Variants in KCNG1 observed in about 807,000 individuals in gnomAD.
The protein encoded by KCNG1 is potassium voltage-gated channel modifier subfamily G member 1.
In KCNG1, 17 loss-of-function variants were observed where a neutral mutation model predicts 32.4. The observed-to-expected ratio is 0.52, with a 90% CI of 0.36 to 0.79. KCNG1 has a LOEUF of 0.79. Among genes scored for constraint, KCNG1 ranks in the 30% least tolerant of loss-of-function variants. The probability of loss-of-function intolerance (pLI) is 0.00; values close to 1 mark genes in which losing one functional copy is unlikely to be tolerated. For missense variants in KCNG1, 441 were observed against 735.2 expected (o/e 0.60, Z 4.63); for synonymous variants, 358 against 339.9 (o/e 1.05, Z -0.59).
chr20:51,017,644 A>C (rs1163143111), intron 1 of KCNG1, among the ~76,000 whole-genome samples: 1 of 152,110 alleles, frequency 6.6e-6, no homozygotes, highest in Non-Finnish European at 1.5e-5. Flanking sequence ...GATTTCTGGG[A>C]CCCTCCCTTC....
At position 51,003,764 on chromosome 20, in the gene KCNG1, A is replaced by C; in HGVS notation, c.*275T>G. 1 of 303,046 alleles carries C rather than the reference A, an allele frequency of 3.3e-6. No individual in the cohort carries two copies. Among genetic ancestry groups the C allele is most frequent in the Non-Finnish European group, 5.5e-6 (1 of 181,384 alleles). 18.8% of individuals were successfully genotyped at this position (303,046 alleles called of 1,614,324 possible). A position where few individuals can be genotyped will look rare whatever the true frequency, so the allele number is the denominator to read the frequency against. Reference sequence around the variant, plus strand: ...GGTGAAAAGAACAAGGCATCTCCTTATTGAGGGAAACACACATAGGGGCTG... The same window carrying C: ...GGTGAAAAGAACAAGGCATCTCCTTCTTGAGGGAAACACACATAGGGGCTG... On this transcript the variant is annotated 3_prime_UTR_variant, in exon 3 of 3. Transcript: ENST00000371571.
intron 2 of KCNG1, chr20:51,006,852 C>A (rs1339580895): frequency 4.6e-5 from 7 of 152,250 alleles, no homozygotes; most frequent in Non-Finnish European, 7.3e-5. Context: ...CTAATCACTT[C>A]ATGCGAACTC....
intron 2 of KCNG1, 190 bp downstream of exon 2, chr20:51,009,375 C>G (rs550832218): frequency 2.8e-6 from 2 of 708,736 alleles, no homozygotes; most frequent in Non-Finnish European, 2.3e-6. Context: ...CAGGCACAGG[C>G]GTGGACCCCC....
In KCNG1 at chr20:51,004,524, C is replaced by T. The variant is rs748829863; in HGVS notation, c.1057G>A (p.Val353Met). The stretch of plus-strand genomic sequence containing the variant: ...AGGGAGTGGCGCGCCAGGCGCATCA[C>T]GTACAGGATGCGCAGCGCCCGCAGC... ...RVLRALRILY[V>M]MRLARHSLGL... The change falls in exon 3 of 3, where the codon GTG (valine) becomes ATG (methionine). Residue 353 changes from valine to methionine, a missense_variant. Physicochemically the swap from Val to Met is conservative, Grantham distance 21 (BLOSUM62 1). Around this residue, in one of 6 missense-constraint regions of KCNG1, gnomAD observed 169 missense variants for 297.7 expected, o/e 0.57. Transcript: ENST00000371571. This position sits in a 1 kb window ranked among gnomAD's most constrained non-coding sequence, Gnocchi z 4.3. The T allele has an allele frequency of 1.9e-6, 3 of 1,592,032 alleles. No individual in the cohort carries two copies. The highest frequency in any genetic ancestry group is 2.6e-6 in the Non-Finnish European group (3 of 1,170,218).
chr20:51,015,519 C>G lies in KCNG1; in HGVS notation c.-26-5155G>C, dbSNP rs1193320539. ...TTGACCTGGCTAGGCTGGCAGGGGC[C>G]GGAGGGCCAGGGTAGTAGAGCTATG... On this transcript the variant is annotated intron_variant, in intron 1 of 2. Coordinates refer to ENST00000371571, the MANE Select transcript of KCNG1 (RefSeq NM_002237.4). The surrounding 1 kb of genome is among the most constrained non-coding windows in gnomAD (Gnocchi z 4.4). 6.6e-6 allele frequency among the ~76,000 whole-genome samples: 1 copy of G among 152,090 alleles called. No individual in the cohort carries two copies. The highest frequency in any genetic ancestry group is 6.5e-5 in the Admixed American group (1 of 15,278).
At chr20:51,019,854 A>G (rs1260677227) in intron 1 of KCNG1, among the ~76,000 whole-genome samples, 1 of 152,140 alleles carries the variant, frequency 6.6e-6, no homozygotes, top group Non-Finnish European at 1.5e-5. Flanking sequence ...TTAATCCCCA[A>G]TTAAAACGTT....
At position 51,004,371 on chromosome 20, in the gene KCNG1, C is replaced by G. The variant is rs777199424; in HGVS notation, c.1210G>C (p.Asp404His). 1.2e-6 allele frequency: 2 copies of G among 1,613,762 alleles called. No homozygotes were observed. The highest frequency in any genetic ancestry group is 1.3e-5 in the African/African-American group (1 of 75,048). ...LLYVIENEMADSPEFTSIPAC... is the reference protein window; with the variant it reads ...LLYVIENEMAHSPEFTSIPAC... Reference sequence around the variant, plus strand: ...GGGATGCTGGTGAACTCGGGGCTGTCGGCCATCTCGTTCTCGATGACGTAG... The same window carrying G: ...GGGATGCTGGTGAACTCGGGGCTGTGGGCCATCTCGTTCTCGATGACGTAG... Residue 404 changes from aspartate to histidine, a missense_variant, in exon 3 of 3, where the codon GAC (aspartate) becomes CAC (histidine). By Grantham distance (81) the Asp-to-His change is moderately conservative. Around this residue, in one of 6 missense-constraint regions of KCNG1, gnomAD observed 169 missense variants for 297.7 expected, o/e 0.57. Transcript: ENST00000371571. This position sits in a 1 kb window ranked among gnomAD's most constrained non-coding sequence, Gnocchi z 4.3.
chr20:51,017,804 C>T (rs1010262096), intron 1 of KCNG1, among the ~76,000 whole-genome samples: 2 of 152,182 alleles, frequency 1.3e-5, no homozygotes, highest in South Asian at 4.2e-4. Flanking sequence ...CCTGGACTCC[C>T]CTGCCCAACG....
chr20:51,003,755 C>T lies in KCNG1; in HGVS notation c.*284G>A. ...TATTTGCATGGTGAAAAGAACAAGG[C>T]ATCTCCTTATTGAGGGAAACACACA... On this transcript the variant is annotated 3_prime_UTR_variant, in exon 3 of 3. Coordinates refer to ENST00000371571, the MANE Select transcript of KCNG1 (RefSeq NM_002237.4). The T allele has an allele frequency of 3.0e-6, 1 of 328,874 alleles. No individual in the cohort carries two copies. The highest frequency in any genetic ancestry group is 5.5e-6 in the Non-Finnish European group (1 of 183,414). 20.4% of individuals were successfully genotyped at this position (328,874 alleles called of 1,614,324 possible). A position where few individuals can be genotyped will look rare whatever the true frequency, so the allele number is the denominator to read the frequency against.
At chr20:51,014,101 G>A (rs906367043) in intron 1 of KCNG1, 2 of 152,136 alleles carry the variant, frequency 1.3e-5, no homozygotes, top group Non-Finnish European at 2.9e-5. Flanking sequence ...ATCCTGTCTC[G>A]GCAGCAGGGT....
At chr20:51,020,093 C>T (rs886603712) in intron 1 of KCNG1, among the ~76,000 whole-genome samples, 1 of 152,168 alleles carries the variant, frequency 6.6e-6, no homozygotes, top group Non-Finnish European at 1.5e-5. Flanking sequence ...CCCTTGCCCC[C>T]AAATGAGAAA....
At position 51,010,432 on chromosome 20, in the gene KCNG1, TCCG is replaced by T. The variant is rs1988036479; in HGVS notation, c.-26-71_-26-69del. On this transcript the variant is annotated intron_variant, in intron 1 of 2. Coordinates refer to ENST00000371571, the MANE Select transcript of KCNG1 (RefSeq NM_002237.4). ...GCTTCACCTTGCTGAGAATGCAGAT[TCCG>T]CAGATATTCACTGTTAGGGATGGAA... 8.1e-6 allele frequency: 9 copies of T among 1,108,288 alleles called. No homozygotes were observed. In the East Asian group the frequency reaches 2.3e-4, roughly 28 times the overall value. The allele number at this position is 1,108,288 out of a possible 1,614,324, so 68.7% of individuals were successfully genotyped here. A position where few individuals can be genotyped will look rare whatever the true frequency, so the allele number is the denominator to read the frequency against.
At chr20:51,009,533 G>A (rs767589168) in intron 2 of KCNG1, 32 bp downstream of exon 2, 7 of 1,544,418 alleles carry the variant, frequency 4.5e-6, no homozygotes, top group Non-Finnish European at 6.1e-6. Flanking sequence ...CCCTCGTGGT[G>A]GCGCGTTTCC....
intron 1 of KCNG1, chr20:51,012,327 A>T (rs893761676): frequency 1.3e-5 from 2 of 152,210 alleles, no homozygotes; most frequent in Non-Finnish European, 2.9e-5. Flanking sequence ...CCCTCCCCTT[A>T]CAACTGGTGC....
intron 1 of KCNG1, among the ~76,000 whole-genome samples, chr20:51,021,728 C>G (rs747582038): frequency 2.6e-5 from 4 of 152,062 alleles, no homozygotes; most frequent in South Asian, 2.1e-4. Flanking sequence ...TGCCTGGCAC[C>G]CTTTAAGTGC....
At chr20:51,008,816 A>G (rs568987228) in intron 2 of KCNG1, among the ~76,000 whole-genome samples, 4 of 152,292 alleles carry the variant, frequency 2.6e-5, no homozygotes, top group African/African-American at 9.6e-5. Flanking sequence ...ATGCTTACAA[A>G]GACAGACTGG....
chr20:51,004,521 T>C lies in KCNG1; in HGVS notation c.1060A>G (p.Met354Val). ...VLRALRILYV[M>V]RLARHSLGLQ... Reference sequence around the variant, plus strand: ...CCCAGGGAGTGGCGCGCCAGGCGCATCACGTACAGGATGCGCAGCGCCCGC... The same window carrying C: ...CCCAGGGAGTGGCGCGCCAGGCGCACCACGTACAGGATGCGCAGCGCCCGC... The change falls in exon 3 of 3, where the codon ATG becomes GTG. Residue 354 changes from methionine to valine, a missense_variant. This residue lies in a region of KCNG1 where 169 missense variants were observed against 297.7 expected (regional missense o/e 0.57). Coordinates refer to ENST00000371571, the MANE Select transcript of KCNG1 (RefSeq NM_002237.4). This position sits in a 1 kb window ranked among gnomAD's most constrained non-coding sequence, Gnocchi z 4.3. 1 of 1,592,432 alleles carries C rather than the reference T, an allele frequency of 6.3e-7. No individual in the cohort carries two copies. The highest frequency in any genetic ancestry group is 8.5e-7 in the Non-Finnish European group (1 of 1,170,406).
chr20:51,009,813 A>G lies in KCNG1; in HGVS notation c.526T>C (p.Phe176Leu), dbSNP rs138881455. The G allele has an allele frequency of 2.2e-5, 36 of 1,612,838 alleles. No individual in the cohort carries two copies. Among genetic ancestry groups the G allele is most frequent in the Non-Finnish European group, 3.0e-5 (35 of 1,179,882 alleles). ...KRRYLQKIEEFAEMVEREEED... is the reference protein window; with the variant it reads ...KRRYLQKIEELAEMVEREEED... ...TCCTCCCGCTCCACCATCTCCGCGA[A>G]CTCCTCAATCTTCTGCAGGTAGCGG... Residue 176 changes from phenylalanine (F) to leucine (L), a missense_variant, in exon 2 of 3, where the codon TTC (phenylalanine) becomes CTC (leucine). Physicochemically the swap from Phe to Leu is conservative, Grantham distance 22 (BLOSUM62 0). Transcript: ENST00000371571.
At chr20:51,010,498 C>T in intron 1 of KCNG1, 134 bp from the exon 2 acceptor site, 1 of 654,876 alleles carries the variant, frequency 1.5e-6, no homozygotes, top group South Asian at 2.2e-5. Flanking sequence ...AGGCCCTAGC[C>T]CTCAATGGGA....
Sources: gnomAD v4.1 joint callset for allele counts (sites outside exome capture counted in the v4.1 genomes callset) on GRCh38, gnomAD v4.1.1 for gene constraint, gnomAD v4.1.1 regional missense constraint, Gnocchi (gnomAD v3.1) non-coding constraint, MANE v1.5 for transcripts, NCBI Gene and HGNC (gene_info 2026-07-23, HGNC 2026-07-21) for gene names.